The following SRGAP2B variants were observed in gnomAD, a reference collection of about 807,000 sequenced individuals.
SRGAP2B encodes the protein SLIT-ROBO Rho GTPase activating protein 2B.
In SRGAP2B, 9 loss-of-function variants were observed where a neutral mutation model predicts 22.2. The ratio of observed to expected loss-of-function variants is 0.41; its 90% confidence interval spans 0.24 to 0.71. The LOEUF is 0.71. SRGAP2B is among the 30% of genes least tolerant of loss of function. The pLI is 0.35. For missense variants in SRGAP2B, 114 were observed against 235.8 expected (o/e 0.48, Z 3.38); for synonymous variants, 36 against 87.4 (o/e 0.41, Z 3.28).
chr1:145,064,811 C>A (rs1651314300), intron 2 of SRGAP2B, among the ~76,000 whole-genome samples: 1 of 148,824 alleles, frequency 6.7e-6, no homozygotes, highest in African/African-American at 2.5e-5. Flanking sequence ...AAGAGATAAT[C>A]ATAATACACA....
chr1:144,976,773 CT>C (rs1181867648), intron 3 of SRGAP2B, among the ~76,000 whole-genome samples: 9 of 79,620 alleles, frequency 1.1e-4, no homozygotes. Context: ...GGATTATAAC[CT>C]GTTGAATAAA....
chr1:144,965,920 C>T (rs11162998), intron 3 of SRGAP2B, among the ~76,000 whole-genome samples: 11 of 126,260 alleles, frequency 8.7e-5, no homozygotes, highest in Non-Finnish European at 1.4e-4. Context: ...TGAAATGAAG[C>T]GAGAAGGGAA....
chr1:144,989,692 CTGAT>C (rs1354971949), intron 3 of SRGAP2B, among the ~76,000 whole-genome samples: 13 of 149,796 alleles, frequency 8.7e-5, no homozygotes, highest in African/African-American at 3.3e-4. Context: ...AATAAGTAGA[CTGAT>C]TGTTACCCAG....
rs587607680 is a variant in SRGAP2B, at chr1:144,958,311, G to T, written c.261-2710C>A. 1.2e-3 allele frequency among the ~76,000 whole-genome samples: 187 copies of T among 151,132 alleles called. 2 individuals are homozygous for T. The Middle Eastern group carries it at 0.017, about 14-fold the overall frequency. On this transcript the variant is annotated intron_variant, in intron 3 of 9. Coordinates refer to ENST00000612199, the Ensembl canonical transcript of SRGAP2B. ...CAAAGATGGGTCAATAAACAGGATG[G>T]CTGGAAGTAGAAATCTTTTAAAATA... is the stretch of plus-strand genomic sequence containing the variant.
chr1:144,958,106 C>T (rs587599204), intron 3 of SRGAP2B, among the ~76,000 whole-genome samples: 72 of 150,544 alleles, frequency 4.8e-4, no homozygotes, highest in Non-Finnish European at 7.8e-4. Context: ...GTAAGGGAGA[C>T]AAAGAAAGAC....
chr1:144,959,409 A>C (rs1667514058), intron 3 of SRGAP2B, among the ~76,000 whole-genome samples: 1 of 145,660 alleles, frequency 6.9e-6, no homozygotes, highest in African/African-American at 2.7e-5. Flanking sequence ...GCTAATCAGA[A>C]TTTTCTTGAT....
chr1:145,041,191 C>G (rs1280992586), intron 2 of SRGAP2B, among the ~76,000 whole-genome samples: 1 of 109,034 alleles, frequency 9.2e-6, no homozygotes, highest in Non-Finnish European at 1.8e-5. Flanking sequence ...TCACTCACCC[C>G]CTAGGTTCCC....
chr1:144,965,223 G>C (rs587679670), intron 3 of SRGAP2B: 11 of 769,154 alleles, frequency 1.4e-5, no homozygotes, highest in Non-Finnish European at 2.2e-5. Flanking sequence ...CACAGAAGAC[G>C]GGTGATTTCT....
intron 2 of SRGAP2B, among the ~76,000 whole-genome samples, chr1:145,076,783 TATG>T (rs1652545734): frequency 6.9e-6 from 1 of 145,204 alleles, no homozygotes; most frequent in South Asian, 2.2e-4. Context: ...AGGTCCTGAT[TATG>T]ATACTGTGTT....
At chr1:144,933,166 G>A (rs1665339179) in intron 4 of SRGAP2B, among the ~76,000 whole-genome samples, 1 of 149,526 alleles carries the variant, frequency 6.7e-6, no homozygotes, top group African/African-American at 2.5e-5. Context: ...AGGAGGGCAT[G>A]AGGCAGGCCC....
rs1670674828 is a variant in SRGAP2B, at chr1:144,996,300, T to G, written c.68-1100A>C. Among the ~76,000 whole-genome samples the G allele has an allele frequency of 2.0e-5, 3 of 147,172 alleles. No homozygotes were observed. In the South Asian group the frequency reaches 6.5e-4, roughly 32 times the overall value. On this transcript the variant is annotated intron_variant, in intron 2 of 9. Coordinates refer to ENST00000612199, the Ensembl canonical transcript of SRGAP2B. ...AGAATGGAGCCATTTCTTTCATCTT[T>G]TCCCTCTGCAAGCCTGCTCAGCTCC...
intron 3 of SRGAP2B, among the ~76,000 whole-genome samples, chr1:144,958,266 CA>C (rs1667420468): frequency 1.3e-5 from 2 of 151,016 alleles, no homozygotes; most frequent in Admixed American, 1.3e-4. Context: ...AAGGTGTCCT[CA>C]AAAGAAAAGA....
chr1:144,931,740 C>T (rs1308708260), intron 4 of SRGAP2B, among the ~76,000 whole-genome samples: 1 of 147,074 alleles, frequency 6.8e-6, no homozygotes, highest in Non-Finnish European at 1.5e-5. Context: ...GCAGATGGAA[C>T]TCAGCCAAGG....
At chr1:144,955,685 C>A (rs1667206446) in intron 3 of SRGAP2B, 84 bp from the exon 4 acceptor site, 1 of 555,168 alleles carries the variant, frequency 1.8e-6, no homozygotes. Context: ...GTCCTAAAAT[C>A]ACAGCAATCA....
At chr1:144,965,339 C>T (rs1476030619) in intron 3 of SRGAP2B, among the ~76,000 whole-genome samples, 2 of 140,116 alleles carry the variant, frequency 1.4e-5, no homozygotes, top group Non-Finnish European at 3.1e-5. Flanking sequence ...ACCCCTGACC[C>T]CCGAGCAGCC....
chr1:144,925,236 C>T (rs1248505211), intron 4 of SRGAP2B, among the ~76,000 whole-genome samples: 7 of 149,862 alleles, frequency 4.7e-5, no homozygotes, highest in Non-Finnish European at 8.8e-5. Context: ...AACTCCTGAC[C>T]TCAAGTGATC....
At chr1:144,939,504 G>A (rs1665870085) in intron 4 of SRGAP2B, among the ~76,000 whole-genome samples, 1 of 143,444 alleles carries the variant, frequency 7.0e-6, no homozygotes, top group African/African-American at 2.7e-5. Context: ...GGAGTCTATG[G>A]TCTGTCTTTC....
At chr1:145,010,753 G>A (rs587663036) in intron 2 of SRGAP2B, among the ~76,000 whole-genome samples, 2 of 150,194 alleles carry the variant, frequency 1.3e-5, no homozygotes, top group Non-Finnish European at 2.9e-5. Flanking sequence ...AAGTCCATAC[G>A]CACCATTACC....
chr1:144,965,203 G>C, intron 3 of SRGAP2B: 1 of 989,562 alleles, frequency 1.0e-6, no homozygotes, highest in Admixed American at 1.8e-5. Flanking sequence ...TACAGCTCCA[G>C]CGTGAGCGAC....
Sources: allele counts gnomAD v4.1 joint callset (sites outside exome capture counted in the v4.1 genomes callset), GRCh38; gene constraint gnomAD v4.1.1; transcripts MANE v1.5; gene names NCBI Gene and HGNC (gene_info 2026-07-23, HGNC 2026-07-21).